Variants in CTNNA2 observed in about 807,000 individuals in gnomAD.
CTNNA2 encodes catenin alpha 2.
In CTNNA2, 42 loss-of-function variants were observed where a neutral mutation model predicts 101.0. The ratio of observed to expected loss-of-function variants is 0.42; its 90% CI spans 0.32 to 0.54. CTNNA2 has a LOEUF of 0.54. CTNNA2 is among the 20% of genes least tolerant of loss of function. The pLI, the probability that CTNNA2 is intolerant of heterozygous loss-of-function variation, is 0.14. For missense variants in CTNNA2, 871 were observed against 1,223.1 expected (o/e 0.71, Z 4.29); for synonymous variants, 450 against 456.4 (o/e 0.99, Z 0.18).
chr2:80,464,996 A>G (rs948332865), intron 9 of CTNNA2, among the ~76,000 whole-genome samples: 2 of 152,098 alleles, frequency 1.3e-5, no homozygotes, highest in Non-Finnish European at 2.9e-5. Context: ...CATAAATACT[A>G]ATTTCACAGT....
At chr2:79,612,144 G>C (rs962629204) in intron 1 of CTNNA2, among the ~76,000 whole-genome samples, 1 of 152,132 alleles carries the variant, frequency 6.6e-6, no homozygotes, top group Non-Finnish European at 1.5e-5. Context: ...TTATGGGTTA[G>C]TAGCCAGTCC....
intron 7 of CTNNA2, among the ~76,000 whole-genome samples, chr2:80,317,596 C>T (rs758708602): frequency 3.9e-5 from 6 of 152,110 alleles, no homozygotes; most frequent in Non-Finnish European, 7.3e-5. Flanking sequence ...CAACAAGAGG[C>T]AGGATGGGGC....
intron 4 of CTNNA2, among the ~76,000 whole-genome samples, chr2:79,484,455 G>T (rs578083034): frequency 1.4e-4 from 22 of 152,192 alleles, no homozygotes; most frequent in African/African-American, 5.1e-4. Flanking sequence ...AAACAAAACA[G>T]AGGATTCCTC....
chr2:79,309,502 A>G (rs1676318984), intron 2 of CTNNA2, among the ~76,000 whole-genome samples: 1 of 152,194 alleles, frequency 6.6e-6, no homozygotes, highest in African/African-American at 2.4e-5. Context: ...AAAGAACAAA[A>G]AGCAGATTGA....
chr2:79,459,903 T>C (rs2104534568), intron 4 of CTNNA2, among the ~76,000 whole-genome samples: 1 of 152,310 alleles, frequency 6.6e-6, no homozygotes, highest in South Asian at 2.1e-4. Context: ...TAAACAACAG[T>C]CTAAAATTAT....
intron 7 of CTNNA2, among the ~76,000 whole-genome samples, chr2:80,094,106 C>G (rs1699982358): frequency 6.6e-6 from 1 of 152,152 alleles, no homozygotes; most frequent in Admixed American, 6.5e-5. Context: ...ATGGTATTGC[C>G]TAGGTTTTCT....
intron 9 of CTNNA2, among the ~76,000 whole-genome samples, chr2:80,483,368 T>TTATATATATATATATA (rs10635965): frequency 3.4e-5 from 5 of 146,096 alleles, no homozygotes; most frequent in African/African-American, 1.2e-4. Flanking sequence ...TGTTGTTGTT[T>TTATATATATATATATA]TATATATATA....
At chr2:79,309,447 G>A (rs1278629244) in intron 2 of CTNNA2, among the ~76,000 whole-genome samples, 2 of 152,108 alleles carry the variant, frequency 1.3e-5, no homozygotes, top group Non-Finnish European at 2.9e-5. Context: ...TCCAGCAGAG[G>A]AGTATGGCTT....
intron 9 of CTNNA2, among the ~76,000 whole-genome samples, chr2:80,493,966 C>T (rs1687251125): frequency 6.6e-6 from 1 of 152,040 alleles, no homozygotes; most frequent in Admixed American, 6.6e-5. Context: ...TGGAATGGTA[C>T]GTACGTAGCA....
chr2:79,353,970 C>CT (rs200777022), intron 3 of CTNNA2, among the ~76,000 whole-genome samples: 9 of 150,886 alleles, frequency 6.0e-5, no homozygotes, highest in African/African-American at 1.9e-4. Flanking sequence ...GTTGGAATTT[C>CT]TTTTTTTTTA....
chr2:79,655,626 C>G (rs1394520421), intron 2 of CTNNA2, among the ~76,000 whole-genome samples: 2 of 151,968 alleles, frequency 1.3e-5, no homozygotes, highest in Non-Finnish European at 2.9e-5. Context: ...GTCAGGAGTT[C>G]GAGATTAGCC....
intron 7 of CTNNA2, among the ~76,000 whole-genome samples, chr2:80,292,839 A>G (rs1402015615): frequency 6.6e-6 from 1 of 152,214 alleles, no homozygotes; most frequent in Non-Finnish European, 1.5e-5. Context: ...TCTGAGTGAT[A>G]TGTTATGTTT....
chr2:80,124,242 C>T (rs1039211311), intron 7 of CTNNA2, among the ~76,000 whole-genome samples: 1 of 152,124 alleles, frequency 6.6e-6, no homozygotes, highest in African/African-American at 2.4e-5. Context: ...TCCATATTTA[C>T]CGATGTCTGC....
At chr2:80,410,848 C>T (rs1020017017) in intron 8 of CTNNA2, among the ~76,000 whole-genome samples, 1 of 152,174 alleles carries the variant, frequency 6.6e-6, no homozygotes, top group African/African-American at 2.4e-5. Context: ...CTGGCTTCCA[C>T]TTTTGGATAT....
At chr2:80,022,911 G>T (rs79578715) in intron 7 of CTNNA2, among the ~76,000 whole-genome samples, 1 of 152,276 alleles carries the variant, frequency 6.6e-6, no homozygotes, top group African/African-American at 2.4e-5. Context: ...TCTGGGGTCC[G>T]TTGGGAGCTT....
intron 7 of CTNNA2, among the ~76,000 whole-genome samples, chr2:80,040,300 G>T (rs1231147391): frequency 6.6e-6 from 1 of 152,166 alleles, no homozygotes. Flanking sequence ...TTTTCCTGAA[G>T]TATTTTTTCT....
intron 18 of CTNNA2, among the ~76,000 whole-genome samples, chr2:80,623,184 C>A (rs572203057): frequency 6.6e-6 from 1 of 151,538 alleles, no homozygotes; most frequent in East Asian, 2.0e-4. Flanking sequence ...AAGCATCAGT[C>A]AGAGCTATAA....
At chr2:79,974,837 G>A (rs1690724435) in intron 7 of CTNNA2, among the ~76,000 whole-genome samples, 1 of 152,172 alleles carries the variant, frequency 6.6e-6, no homozygotes, top group Admixed American at 6.5e-5. Flanking sequence ...ATTAAGTTGG[G>A]GAGGAGTCAG....
chr2:80,095,512 C>A (rs1700089136), intron 7 of CTNNA2, among the ~76,000 whole-genome samples: 1 of 152,164 alleles, frequency 6.6e-6, no homozygotes, highest in African/African-American at 2.4e-5. Flanking sequence ...ATGATGCTGG[C>A]CTCATCAAAT....
Sources: allele counts gnomAD v4.1 joint callset (sites outside exome capture counted in the v4.1 genomes callset), GRCh38; gene constraint gnomAD v4.1.1; transcripts MANE v1.5; gene names NCBI Gene and HGNC (gene_info 2026-07-23, HGNC 2026-07-21).